Variants in ENOX1 observed in about 807,000 individuals in gnomAD.
ENOX1 encodes candidate growth-related and time keeping constitutive hydroquinone (NADH) oxidase.
In ENOX1, 42 loss-of-function variants were observed where a neutral mutation model predicts 82.5. The ratio of observed to expected loss-of-function variants is 0.51; its 90% CI spans 0.40 to 0.66. The LOEUF is 0.66. Among genes scored for constraint, ENOX1 ranks in the 30% least tolerant of loss-of-function variants. ENOX1 has a pLI of 0.00. For synonymous variants in ENOX1, 271 were observed against 282.2 expected, an observed-to-expected ratio of 0.96 and a Z score of 0.40; for missense variants, 608 against 811.6, an observed-to-expected ratio of 0.75 and a Z score of 3.05.
chr13:43,326,370 C>T lies in ENOX1; in HGVS notation c.1143+49G>A. The T allele has an allele frequency of 3.3e-6, 5 of 1,521,524 alleles. No homozygotes were observed. In the African/African-American group the frequency reaches 4.1e-5, roughly 12 times the overall value. The allele number at this position is 1,521,524 out of a possible 1,614,324, so 94.3% of individuals were successfully genotyped here. ...TGGCTGCAGCCATGCTATTCTCTGCCAATCCAGCTGTGTGATGGTGGTTAA... is the reference window on the plus strand; with the variant it reads ...TGGCTGCAGCCATGCTATTCTCTGCTAATCCAGCTGTGTGATGGTGGTTAA... On this transcript the variant is annotated intron_variant, in intron 10 of 16. Coordinates refer to ENST00000690772, the MANE Select transcript of ENOX1 (RefSeq NM_001347969.2).
chr13:43,280,512 A>C (rs1040992931), intron 12 of ENOX1, among the ~76,000 whole-genome samples: 6 of 152,252 alleles, frequency 3.9e-5, no homozygotes, highest in African/African-American at 1.2e-4. Context: ...GTTGGAGTCC[A>C]GAGAGCTTTT....
At chr13:43,461,213 G>C (rs1239970713) in intron 3 of ENOX1, among the ~76,000 whole-genome samples, 1 of 152,222 alleles carries the variant, frequency 6.6e-6, no homozygotes, top group Non-Finnish European at 1.5e-5. Context: ...CACATTCTGA[G>C]ATTCAAACTA....
intron 3 of ENOX1, among the ~76,000 whole-genome samples, chr13:43,446,032 G>T (rs1394998818): frequency 6.6e-6 from 1 of 152,208 alleles, no homozygotes; most frequent in East Asian, 1.9e-4. Flanking sequence ...TTCCACAGTA[G>T]TCTGTCTCCC....
intron 5 of ENOX1, among the ~76,000 whole-genome samples, chr13:43,388,345 T>G (rs147862190): frequency 6.8e-4 from 103 of 152,320 alleles, no homozygotes; most frequent in African/African-American, 2.5e-3. Flanking sequence ...CCACCTATAT[T>G]AATAAATTTG....
chr13:43,486,110 T>G (rs2076405638), intron 2 of ENOX1, among the ~76,000 whole-genome samples: 1 of 152,182 alleles, frequency 6.6e-6, no homozygotes. Context: ...CTTGGGAGGC[T>G]GAGGCAGGAG....
At chr13:43,557,926 C>T (rs191095204) in intron 2 of ENOX1, among the ~76,000 whole-genome samples, 258 of 152,240 alleles carry the variant, frequency 1.7e-3, no homozygotes, top group Non-Finnish European at 3.3e-3. Context: ...AGGGTGTGTA[C>T]TACTTACTAC....
At chr13:43,474,867 G>A (rs2058214715) in intron 3 of ENOX1, among the ~76,000 whole-genome samples, 1 of 152,068 alleles carries the variant, frequency 6.6e-6, no homozygotes, top group African/African-American at 2.4e-5. Flanking sequence ...TACTAGACAT[G>A]TTTTCTCATG....
chr13:43,372,261 T>C (rs999473302), intron 5 of ENOX1, among the ~76,000 whole-genome samples: 2 of 152,224 alleles, frequency 1.3e-5, no homozygotes, highest in Non-Finnish European at 2.9e-5. Flanking sequence ...TGGAAAATTA[T>C]GGTGATGATG....
At chr13:43,253,631 T>C (rs2043584790) in intron 14 of ENOX1, among the ~76,000 whole-genome samples, 1 of 152,156 alleles carries the variant, frequency 6.6e-6, no homozygotes, top group African/African-American at 2.4e-5. Flanking sequence ...TATTTAATAA[T>C]CTAAATCATA....
At chr13:43,455,570 A>G (rs2057186829) in intron 3 of ENOX1, among the ~76,000 whole-genome samples, 1 of 152,056 alleles carries the variant, frequency 6.6e-6, no homozygotes, top group African/African-American at 2.4e-5. Flanking sequence ...TGCTTATGGT[A>G]AAATATGGAA....
chr13:43,752,614 T>C (rs1212050385), intron 1 of ENOX1, among the ~76,000 whole-genome samples: 1 of 152,212 alleles, frequency 6.6e-6, no homozygotes, highest in Non-Finnish European at 1.5e-5. Flanking sequence ...TGACACTATT[T>C]GTTGAAAAAT....
intron 5 of ENOX1, among the ~76,000 whole-genome samples, chr13:43,368,149 G>C (rs1313322124): frequency 1.3e-5 from 2 of 152,192 alleles, no homozygotes; most frequent in Non-Finnish European, 2.9e-5. Context: ...AAGGCAGTGA[G>C]GTATGTTTTT....
intron 3 of ENOX1, among the ~76,000 whole-genome samples, chr13:43,439,839 C>A (rs1181994225): frequency 2.0e-5 from 3 of 152,128 alleles, no homozygotes; most frequent in African/African-American, 7.2e-5. Context: ...AAATGAGCAA[C>A]GAGCCAGATT....
chr13:43,704,640 A>G (rs2087134577), intron 1 of ENOX1, among the ~76,000 whole-genome samples: 1 of 152,200 alleles, frequency 6.6e-6, no homozygotes, highest in Non-Finnish European at 1.5e-5. Flanking sequence ...GTGATCCACA[A>G]CGAAGAAATG....
At chr13:43,281,481 C>T (rs976872760) in intron 12 of ENOX1, among the ~76,000 whole-genome samples, 2 of 152,090 alleles carry the variant, frequency 1.3e-5, no homozygotes, top group South Asian at 2.1e-4. Context: ...CAAAAAAGGC[C>T]TCCAAGATAT....
At chr13:43,477,724 G>A (rs1229109404) in intron 3 of ENOX1, among the ~76,000 whole-genome samples, 1 of 151,848 alleles carries the variant, frequency 6.6e-6, no homozygotes, top group Non-Finnish European at 1.5e-5. Flanking sequence ...TTCTTTATGG[G>A]GTGTGAATAT....
chr13:43,295,106 A>G (rs555070668), intron 12 of ENOX1, among the ~76,000 whole-genome samples: 2 of 152,236 alleles, frequency 1.3e-5, no homozygotes, highest in South Asian at 2.1e-4. Flanking sequence ...CATTGTATGT[A>G]AATTTTACCT....
intron 5 of ENOX1, among the ~76,000 whole-genome samples, chr13:43,410,479 T>C (rs1408677683): frequency 6.6e-6 from 1 of 152,112 alleles, no homozygotes; most frequent in East Asian, 1.9e-4. Context: ...ATCCTAAATA[T>C]AATGTTTTAA....
chr13:43,741,615 A>ATAT (rs1207721141), intron 1 of ENOX1, among the ~76,000 whole-genome samples: 9 of 152,152 alleles, frequency 5.9e-5, no homozygotes, highest in Non-Finnish European at 1.5e-5. Flanking sequence ...AAGTTGCATG[A>ATAT]GTTCTTTACA....
Sources: allele counts gnomAD v4.1 joint callset (sites outside exome capture counted in the v4.1 genomes callset), GRCh38; gene constraint gnomAD v4.1.1; transcripts MANE v1.5; gene names NCBI Gene and HGNC (gene_info 2026-07-23, HGNC 2026-07-21).